Variants in BCL9 observed in about 807,000 individuals in gnomAD.
BCL9 encodes the protein B-cell CLL/lymphoma 9 protein.
Under a neutral mutation model 88.5 loss-of-function variants are expected in BCL9, and 25 were observed. The observed-to-expected ratio is 0.28, with a 90% CI of 0.21 to 0.39. BCL9 has a LOEUF of 0.39. Ranked by LOEUF, BCL9 falls within the 10% of genes least tolerant of loss-of-function variation. The pLI, the probability that BCL9 is intolerant of heterozygous loss-of-function variation, is 1.00. For synonymous variants in BCL9, 711 were observed against 673.3 expected (o/e 1.06, Z -0.87); for missense variants, 1,817 against 1,877.8 (o/e 0.97, Z 0.60).
chr1:147,604,518 G>C (rs1179671939), intron 1 of BCL9, among the ~76,000 whole-genome samples: 3 of 152,168 alleles, frequency 2.0e-5, no homozygotes, highest in Admixed American at 6.5e-5. Context: ...GGTGGCTTTT[G>C]CTTTTCTAAA....
At chr1:147,590,700 C>T (rs782483117) in intron 1 of BCL9, among the ~76,000 whole-genome samples, 1 of 152,158 alleles carries the variant, frequency 6.6e-6, no homozygotes, top group Non-Finnish European at 1.5e-5. Flanking sequence ...CCCCAGTTTC[C>T]TCATATGCAA....
rs1657732699 is a variant in BCL9 at position 147,606,792 on chromosome 1, C to G, written c.-334C>G. On this transcript the variant is annotated 5_prime_UTR_variant, in exon 3 of 10. Coordinates refer to ENST00000234739, the MANE Select transcript of BCL9 (RefSeq NM_004326.4). Reference sequence around the variant, plus strand: ...TTTTTTTCCTCGTCTAGACAAGGGTCATCTTTGAGAAGGGGGTTCCTGGAC... The same window carrying G: ...TTTTTTTCCTCGTCTAGACAAGGGTGATCTTTGAGAAGGGGGTTCCTGGAC... 6.6e-6 allele frequency: 1 copy of G among 152,488 alleles called. No individual in the cohort carries two copies. Among genetic ancestry groups the G allele is most frequent in the South Asian group, 2.1e-4 (1 of 4,820 alleles). 9.4% of individuals were successfully genotyped at this position (152,488 alleles called of 1,614,324 possible). A position where few individuals can be genotyped will look rare whatever the true frequency, so the allele number is the denominator to read the frequency against.
At chr1:147,573,364 A>G (rs1356874562) in intron 1 of BCL9, among the ~76,000 whole-genome samples, 3 of 152,150 alleles carry the variant, frequency 2.0e-5, no homozygotes, top group Non-Finnish European at 4.4e-5. Flanking sequence ...GAGGCAGGAG[A>G]ATCACTTGAA....
At position 147,619,532 on chromosome 1, in the gene BCL9, C is replaced by T. The variant is rs781994676; in HGVS notation, c.1377C>T (p.Pro459=). The part of the protein sequence containing the change: ...SMNSQSGTIG[P]DHLDHMTPEQ... ...ACTCCCAGTCTGGGACCATAGGACC[C>T]GACCACCTTGACCATATGACTCCCG... The change falls in exon 8 of 10, where the codon CCC becomes CCT. Residue 459 remains proline (P), a synonymous_variant. Transcript: ENST00000234739. This position sits in a 1 kb window ranked among gnomAD's most constrained non-coding sequence, Gnocchi z 4.1. 18 of 1,613,998 alleles carry T rather than the reference C, an allele frequency of 1.1e-5. No individual in the cohort carries two copies. Among genetic ancestry groups the T allele is most frequent in the African/African-American group, 4.0e-5 (3 of 74,888 alleles).
At chr1:147,577,464 T>C (rs1214443344) in intron 1 of BCL9, among the ~76,000 whole-genome samples, 1 of 152,194 alleles carries the variant, frequency 6.6e-6, no homozygotes, top group Admixed American at 6.5e-5. Context: ...GATTTTCTTC[T>C]GGAATGTGTC....
intron 1 of BCL9, among the ~76,000 whole-genome samples, chr1:147,595,652 C>T (rs1205449774): frequency 6.6e-6 from 1 of 151,698 alleles, no homozygotes; most frequent in African/African-American, 2.4e-5. Context: ...GAATTTGAGA[C>T]CAGCCTGGGC....
rs587605066 is a variant in BCL9 at position 147,607,121 on chromosome 1, C to G, written c.-260+255C>G. Among the ~76,000 whole-genome samples, 19 of 152,274 alleles carry G rather than the reference C, an allele frequency of 1.2e-4. No homozygotes were observed. In the South Asian group the frequency reaches 3.9e-3, roughly 32 times the overall value. On this transcript the variant is annotated intron_variant, in intron 3 of 9. Transcript: ENST00000234739. ...TCTGTGCCTGGCTCATTTCACTTAA[C>G]ATACTATCTCCAAGTTCATGTACAT... is the stretch of plus-strand genomic sequence containing the variant.
At chr1:147,565,703 T>A (rs587735722) in intron 1 of BCL9, among the ~76,000 whole-genome samples, 1 of 152,310 alleles carries the variant, frequency 6.6e-6, no homozygotes, top group South Asian at 2.1e-4. Flanking sequence ...AAATATTGGA[T>A]CTTTAAGCAA....
chr1:147,564,525 G>T (rs150449397), intron 1 of BCL9, among the ~76,000 whole-genome samples: 2 of 152,128 alleles, frequency 1.3e-5, no homozygotes, highest in Non-Finnish European at 2.9e-5. Context: ...GAGACCTTGG[G>T]GAAAACGTCT....
intron 3 of BCL9, among the ~76,000 whole-genome samples, chr1:147,610,814 T>C (rs1372299254): frequency 3.3e-5 from 5 of 152,358 alleles, no homozygotes; most frequent in Middle Eastern, 3.4e-3. Context: ...TCTTGACCTT[T>C]ATGCTTCAAA....
intron 6 of BCL9, 76 bp from the exon 7 acceptor site, chr1:147,615,727 G>C: frequency 8.5e-7 from 1 of 1,173,326 alleles, no homozygotes; most frequent in South Asian, 1.3e-5. Flanking sequence ...TTTATTGTGT[G>C]GTTAAAGTGC....
intron 1 of BCL9, among the ~76,000 whole-genome samples, chr1:147,566,788 C>T (rs1655623270): frequency 6.6e-6 from 1 of 151,356 alleles, no homozygotes; most frequent in African/African-American, 2.4e-5. Context: ...AAGTCATGGG[C>T]CATAAAGCTA....
At position 147,619,908 on chromosome 1, in the gene BCL9, C is replaced by A; in HGVS notation, c.1753C>A (p.Pro585Thr). The A allele has an allele frequency of 6.2e-7, 1 of 1,614,178 alleles. No individual in the cohort carries two copies. Among genetic ancestry groups the A allele is most frequent in the Non-Finnish European group, 8.5e-7 (1 of 1,180,052 alleles). The change falls in exon 8 of 10, where the codon CCA (proline) becomes ACA (threonine). Residue 585 changes from proline (P) to threonine (T), a missense_variant. Around this residue, in one of 2 missense-constraint regions of BCL9, gnomAD observed 1,228 missense variants for 1,191.6 expected, o/e 1.03. Transcript: ENST00000234739. This position sits in a 1 kb window ranked among gnomAD's most constrained non-coding sequence, Gnocchi z 4.1. ...GPNVPNPASR[P>T]GLSGVSWPDD... ...GAATGTCCCCAACCCTGCATCTAGA[C>A]CAGGTCTTTCTGGAGTCAGTTGGCC...
intron 8 of BCL9, 90 bp from the exon 9 acceptor site, chr1:147,622,181 T>G: frequency 6.6e-7 from 1 of 1,512,592 alleles, no homozygotes; most frequent in South Asian, 1.2e-5. Context: ...GTCTCATTCC[T>G]GGCCTTGCTA....
intron 1 of BCL9, among the ~76,000 whole-genome samples, chr1:147,604,557 C>T (rs929353613): frequency 6.8e-4 from 103 of 152,292 alleles, no homozygotes; most frequent in African/African-American, 2.4e-3. Flanking sequence ...CGTGGTTAGG[C>T]CTCAGTGGGA....
rs587737465 is a variant in BCL9, at chr1:147,554,882, G to A, written c.-478+13208G>A. 2.6e-5 allele frequency among the ~76,000 whole-genome samples: 4 copies of A among 152,206 alleles called. No homozygotes were observed. In the South Asian group the frequency reaches 8.3e-4, roughly 32 times the overall value. ...GTTGTTGAGAGTGCTTGCCTCAGGG[G>A]CCAACATATCTCCAGGTCCCTGGTG... On this transcript the variant is annotated intron_variant, in intron 1 of 9. Transcript: ENST00000234739.
intron 1 of BCL9, among the ~76,000 whole-genome samples, chr1:147,594,341 A>G (rs1656962039): frequency 6.6e-6 from 1 of 152,376 alleles, no homozygotes; most frequent in Non-Finnish European, 1.5e-5. Context: ...AGACAAAGAC[A>G]GAAGATGTTG....
At chr1:147,554,791 A>G (rs112438738) in intron 1 of BCL9, among the ~76,000 whole-genome samples, 7 of 152,344 alleles carry the variant, frequency 4.6e-5, no homozygotes, top group African/African-American at 1.7e-4. Flanking sequence ...GTTATTTTAC[A>G]GGATCTTTGG....
chr1:147,589,291 T>C (rs782241275), intron 1 of BCL9, among the ~76,000 whole-genome samples: 8 of 152,194 alleles, frequency 5.3e-5, no homozygotes, highest in Non-Finnish European at 1.0e-4. Flanking sequence ...AAACTCGACC[T>C]CTTTTGTCTT....
Sources: allele counts gnomAD v4.1 joint callset (sites outside exome capture counted in the v4.1 genomes callset), GRCh38; gene constraint gnomAD v4.1.1; regional missense constraint gnomAD v4.1.1; non-coding constraint Gnocchi (gnomAD v3.1); transcripts MANE v1.5; gene names NCBI Gene and HGNC (gene_info 2026-07-23, HGNC 2026-07-21).